PAG1: variants seen among roughly 807,000 people sequenced by gnomAD.
The protein encoded by PAG1 is phosphoprotein membrane anchor with glycosphingolipid microdomains 1.
In PAG1, 23 loss-of-function variants were observed where a neutral mutation model predicts 31.7. That is an observed-to-expected ratio of 0.73 (90% CI 0.52 to 1.03). The LOEUF is 1.03. PAG1 is among the 50% of genes least tolerant of loss of function. PAG1 has a pLI of 0.00. For synonymous variants in PAG1, 214 were observed against 210.3 expected (o/e 1.02, Z -0.15); for missense variants, 473 against 540.7 (o/e 0.87, Z 1.24).
At chr8:81,096,192 C>T (rs1212960563) in intron 1 of PAG1, among the ~76,000 whole-genome samples, 3 of 152,234 alleles carry the variant, frequency 2.0e-5, no homozygotes, top group Admixed American at 1.3e-4. Flanking sequence ...GCAATGAGGT[C>T]CAGAGAGTAC....
chr8:81,062,617 T>C (rs984759745), intron 2 of PAG1, among the ~76,000 whole-genome samples: 3 of 152,248 alleles, frequency 2.0e-5, no homozygotes, highest in Admixed American at 2.0e-4. Flanking sequence ...ATTTATTTAA[T>C]TTACTGCTGG....
At chr8:81,069,154 G>A (rs1432191311) in intron 2 of PAG1, among the ~76,000 whole-genome samples, 2 of 152,154 alleles carry the variant, frequency 1.3e-5, no homozygotes, top group African/African-American at 4.8e-5. Flanking sequence ...GGCCTCAGAG[G>A]GGAACCAAAA....
At chr8:81,086,805 A>T (rs1461348118) in intron 1 of PAG1, among the ~76,000 whole-genome samples, 1 of 152,166 alleles carries the variant, frequency 6.6e-6, no homozygotes, top group Non-Finnish European at 1.5e-5. Flanking sequence ...AGACAAGCAA[A>T]TTAAAAAGTA....
intron 2 of PAG1, chr8:81,067,682 G>C (rs1809029703): frequency 6.6e-6 from 1 of 152,218 alleles, no homozygotes; most frequent in African/African-American, 2.4e-5. Flanking sequence ...CATTTTCACA[G>C]TGGAGACAGT....
chr8:81,105,176 C>T (rs779745911), intron 1 of PAG1, among the ~76,000 whole-genome samples: 7 of 152,152 alleles, frequency 4.6e-5, no homozygotes, highest in Non-Finnish European at 8.8e-5. Flanking sequence ...GCACCCCTGA[C>T]GGAGCCAAGC....
intron 1 of PAG1, among the ~76,000 whole-genome samples, chr8:81,097,636 A>G (rs1809548784): frequency 6.6e-6 from 1 of 152,066 alleles, no homozygotes; most frequent in Non-Finnish European, 1.5e-5. Flanking sequence ...CCAAATGGCA[A>G]TGATTCAATT....
chr8:80,996,304 G>A (rs1262194196), intron 3 of PAG1, among the ~76,000 whole-genome samples: 3 of 152,216 alleles, frequency 2.0e-5, no homozygotes, highest in African/African-American at 7.2e-5. Context: ...GGGGAGGTGG[G>A]AGGAGTGGTG....
At position 80,976,502 on chromosome 8, in the gene PAG1, C is replaced by A. The variant is rs778659442; in HGVS notation, c.*42G>T. On this transcript the variant is annotated 3_prime_UTR_variant, in exon 9 of 9. Coordinates refer to ENST00000220597, the MANE Select transcript of PAG1 (RefSeq NM_018440.4). ...TTCTCTTCCACAGAAGAAACGTCTC[C>A]AGACACTGATCACAGGCTACCCAGG... is the stretch of plus-strand genomic sequence containing the variant. The A allele has an allele frequency of 3.2e-6, 5 of 1,559,146 alleles. No individual in the cohort carries two copies. In the South Asian group the frequency reaches 5.0e-5, roughly 16 times the overall value.
chr8:81,106,880 C>A (rs905451162), intron 1 of PAG1, among the ~76,000 whole-genome samples: 2 of 152,176 alleles, frequency 1.3e-5, no homozygotes, highest in Non-Finnish European at 2.9e-5. Context: ...ACTGGTTAGA[C>A]ATAAGTGTTC....
chr8:81,046,884 C>A (rs1275449785), intron 2 of PAG1, among the ~76,000 whole-genome samples: 1 of 152,086 alleles, frequency 6.6e-6, no homozygotes, highest in Non-Finnish European at 1.5e-5. Flanking sequence ...TAGGCTGTTC[C>A]CCCCATGTAT....
chr8:81,000,212 G>C (rs1396535620), intron 3 of PAG1, among the ~76,000 whole-genome samples: 1 of 152,026 alleles, frequency 6.6e-6, no homozygotes. Flanking sequence ...CATATTCCTA[G>C]CACCTCTATG....
At chr8:81,012,821 A>G (rs1808007483) in intron 3 of PAG1, among the ~76,000 whole-genome samples, 1 of 152,224 alleles carries the variant, frequency 6.6e-6, no homozygotes, top group African/African-American at 2.4e-5. Flanking sequence ...TGTGTGATGC[A>G]AAAGGAAACC....
chr8:81,081,949 A>G (rs1202868988), intron 1 of PAG1, among the ~76,000 whole-genome samples: 1 of 152,164 alleles, frequency 6.6e-6, no homozygotes, highest in Admixed American at 6.5e-5. Flanking sequence ...GAGGAGTGAT[A>G]TTGCTGTATC....
chr8:81,053,977 C>T (rs527519237), intron 2 of PAG1, among the ~76,000 whole-genome samples: 15 of 152,224 alleles, frequency 9.9e-5, no homozygotes, highest in Admixed American at 2.0e-4. Flanking sequence ...CACTATTGCA[C>T]GAAAGCAGCC....
rs1260240936 is a variant in PAG1, at chr8:81,049,777, C to T, written c.-174-19688G>A. On this transcript the variant is annotated intron_variant, in intron 2 of 8. Coordinates refer to ENST00000220597, the MANE Select transcript of PAG1 (RefSeq NM_018440.4). ...CCATTAAAACGACAGGAAACATTGCCATGCCTGCTTTACAAATGGGGAAAC... is the reference window on the plus strand; with the variant it reads ...CCATTAAAACGACAGGAAACATTGCTATGCCTGCTTTACAAATGGGGAAAC... Among the ~76,000 whole-genome samples the T allele has an allele frequency of 2.6e-5, 4 of 152,268 alleles. No homozygotes were observed. The East Asian group carries it at 7.7e-4, about 29-fold the overall frequency.
intron 2 of PAG1, among the ~76,000 whole-genome samples, chr8:81,061,860 CAAG>C (rs955321821): frequency 6.6e-6 from 1 of 151,954 alleles, no homozygotes; most frequent in Non-Finnish European, 1.5e-5. Flanking sequence ...ATCTGAATGA[CAAG>C]AAGGAGCCAT....
chr8:81,071,281 C>T (rs895752091), intron 1 of PAG1, among the ~76,000 whole-genome samples: 1 of 152,070 alleles, frequency 6.6e-6, no homozygotes, highest in Admixed American at 6.6e-5. Context: ...ATATGAGTAC[C>T]AAGAGAAAAG....
At chr8:80,988,721 G>A (rs1025254569) in intron 5 of PAG1, among the ~76,000 whole-genome samples, 3 of 152,260 alleles carry the variant, frequency 2.0e-5, no homozygotes, top group African/African-American at 4.8e-5. Flanking sequence ...CAAAGTGCTG[G>A]GATTACAGGC....
At chr8:81,042,371 T>A (rs986086568) in intron 2 of PAG1, among the ~76,000 whole-genome samples, 1 of 152,342 alleles carries the variant, frequency 6.6e-6, no homozygotes, top group Admixed American at 6.5e-5. Context: ...ACACTAGGCA[T>A]ATAAAAGCTG....
Sources: gnomAD v4.1 joint callset for allele counts (sites outside exome capture counted in the v4.1 genomes callset) on GRCh38, gnomAD v4.1.1 for gene constraint, MANE v1.5 for transcripts, NCBI Gene and HGNC (gene_info 2026-07-23, HGNC 2026-07-21) for gene names.